The following RARA variants were observed in gnomAD, a reference collection of about 807,000 sequenced individuals.
The protein encoded by RARA is retinoic acid receptor alpha.
A neutral mutation model predicts 42.8 loss-of-function variants in RARA; 5 were observed. The ratio of observed to expected loss-of-function variants is 0.12; its 90% confidence interval spans 0.06 to 0.25. The LOEUF (loss-of-function observed/expected upper bound fraction) is 0.25. RARA is among the 10% of genes least tolerant of loss of function. The pLI is 1.00. For missense variants in RARA, 402 were observed against 628.7 expected (o/e 0.64, Z 3.86); for synonymous variants, 256 against 259.5 (o/e 0.99, Z 0.13).
intron 1 of RARA, among the ~76,000 whole-genome samples, chr17:40,323,873 C>A (rs2033464459): frequency 6.6e-6 from 1 of 151,580 alleles, no homozygotes; most frequent in African/African-American, 2.4e-5. Flanking sequence ...CAGCGTGGGT[C>A]CCCAGGGTGG....
In RARA at chr17:40,355,200, G is replaced by T; in HGVS notation, c.1013-63G>T. 2 of 1,502,464 alleles carry T rather than the reference G, an allele frequency of 1.3e-6. No individual in the cohort carries two copies. The highest frequency in any genetic ancestry group is 1.8e-6 in the Non-Finnish European group (2 of 1,119,398). The allele number at this position is 1,502,464 out of a possible 1,614,324, so 93.1% of individuals were successfully genotyped here. A position where few individuals can be genotyped will look rare whatever the true frequency, so the allele number is the denominator to read the frequency against. ...ATGGCCTGGGCAGGCACGCCCCCCG[G>T]TGGCCGAGGCTGGGGGTGCAGCTGT... On this transcript the variant is annotated intron_variant, in intron 7 of 8. Transcript: ENST00000254066. This position sits in a 1 kb window ranked among gnomAD's most constrained non-coding sequence, Gnocchi z 4.1.
Position 40,351,788 on chromosome 17 carries a change from TGTGCGC to T in RARA, c.470-117_470-112del, listed in dbSNP as rs1408325715. On this transcript the variant is annotated intron_variant, in intron 4 of 8. Coordinates refer to ENST00000254066, the MANE Select transcript of RARA (RefSeq NM_000964.4). This position sits in a 1 kb window ranked among gnomAD's most constrained non-coding sequence, Gnocchi z 4.1. ...CTTGCCTGCCCGTGAACGCGTGCTGTGTGCGCGTGCTTACAAGCCTGGGTGACCTCC... is the reference window on the plus strand; with the variant it reads ...CTTGCCTGCCCGTGAACGCGTGCTGTGTGCTTACAAGCCTGGGTGACCTCC... 3.8e-6 allele frequency: 5 copies of T among 1,306,162 alleles called. No individual in the cohort carries two copies. The highest frequency in any genetic ancestry group is 5.2e-6 in the Non-Finnish European group (5 of 957,098). The allele number at this position is 1,306,162 out of a possible 1,614,324, so 80.9% of individuals were successfully genotyped here. A position where few individuals can be genotyped will look rare whatever the true frequency, so the allele number is the denominator to read the frequency against.
Position 40,352,158 on chromosome 17 carries a change from A to C in RARA, c.630+88A>C. 1 of 1,469,092 alleles carries C rather than the reference A, an allele frequency of 6.8e-7. No individual in the cohort carries two copies. The highest frequency in any genetic ancestry group is 9.0e-7 in the Non-Finnish European group (1 of 1,114,486). The allele number at this position is 1,469,092 out of a possible 1,614,324, so 91.0% of individuals were successfully genotyped here. On this transcript the variant is annotated intron_variant, in intron 5 of 8. Coordinates refer to ENST00000254066, the MANE Select transcript of RARA (RefSeq NM_000964.4). This position sits in a 1 kb window ranked among gnomAD's most constrained non-coding sequence, Gnocchi z 4.9. ...CCTCTCAGGCACCCCTTCTTGTGCC[A>C]GGCAAGATCTCTGCGTCCTTCCCTT...
chr17:40,309,827 G>T (rs531480737), intron 1 of RARA, among the ~76,000 whole-genome samples: 1 of 152,338 alleles, frequency 6.6e-6, no homozygotes, highest in African/African-American at 2.4e-5. Context: ...GAGGGTAGTG[G>T]AGGTTGTGAG....
chr17:40,329,066 G>A (rs552498184), intron 1 of RARA, among the ~76,000 whole-genome samples: 10 of 151,698 alleles, frequency 6.6e-5, no homozygotes, highest in African/African-American at 1.9e-4. Flanking sequence ...CCACATCCTC[G>A]CCAGTACTTG....
intron 2 of RARA, among the ~76,000 whole-genome samples, chr17:40,337,963 T>C (rs1020357838): frequency 6.6e-6 from 1 of 152,250 alleles, no homozygotes; most frequent in Non-Finnish European, 1.5e-5. Context: ...TAGCAATGCC[T>C]TTCTTGGAGT....
rs893168663 is a variant in RARA, at chr17:40,356,881, G to A, written c.*655G>A. On this transcript the variant is annotated 3_prime_UTR_variant, in exon 9 of 9. Coordinates refer to ENST00000254066, the MANE Select transcript of RARA (RefSeq NM_000964.4). ...GTGGGTCCGGGGGAGGGAGTGGCTC[G>A]GAAGGGGCCCCCACTCTCCTTTCAT... is the stretch of plus-strand genomic sequence containing the variant. The A allele has an allele frequency of 1.4e-5, 6 of 422,684 alleles. No homozygotes were observed. Among genetic ancestry groups the A allele is most frequent in the South Asian group, 2.2e-5 (1 of 44,708 alleles). 26.2% of individuals were successfully genotyped at this position (422,684 alleles called of 1,614,324 possible).
chr17:40,341,116 ACCTACC>A (rs2034019258), intron 2 of RARA: 1 of 406,982 alleles, frequency 2.5e-6, no homozygotes, highest in African/African-American at 2.1e-5. Context: ...CTTTCTAGGG[ACCTACC>A]CAAGCTAGGC....
At chr17:40,315,175 C>CAA (rs2033184951) in intron 1 of RARA, among the ~76,000 whole-genome samples, 1 of 126,250 alleles carries the variant, frequency 7.9e-6, no homozygotes, top group East Asian at 2.3e-4. Flanking sequence ...TATATATACA[C>CAA]ACACACACAC....
At chr17:40,347,297 C>T (rs903706369) in intron 2 of RARA, among the ~76,000 whole-genome samples, 2 of 152,152 alleles carry the variant, frequency 1.3e-5, no homozygotes, top group African/African-American at 2.4e-5. Context: ...GGCCTCAGGA[C>T]GATGCTGCGT....
intron 2 of RARA, chr17:40,342,863 C>G: frequency 1.9e-6 from 3 of 1,611,838 alleles, no homozygotes; most frequent in Non-Finnish European, 2.5e-6. Context: ...ATGGCTCAAA[C>G]CACTGTACGT....
rs999854238 is a variant in RARA, at chr17:40,341,063, G to T, written c.179-7253G>T. ...GTACATTTCCATCCTTCCTTTTAGA[G>T]AGTGGGGGTAATAGGATACCCCCTC... is the stretch of plus-strand genomic sequence containing the variant. On this transcript the variant is annotated intron_variant, in intron 2 of 8. Transcript: ENST00000254066. The T allele has an allele frequency of 1.7e-5, 7 of 400,692 alleles. No individual in the cohort carries two copies. The Admixed American group carries it at 2.6e-4, about 15-fold the overall frequency. 24.8% of individuals were successfully genotyped at this position (400,692 alleles called of 1,614,324 possible).
At chr17:40,338,979 C>T (rs1461933974) in intron 2 of RARA, among the ~76,000 whole-genome samples, 1 of 152,180 alleles carries the variant, frequency 6.6e-6, no homozygotes, top group Non-Finnish European at 1.5e-5. Context: ...GATCACACCA[C>T]TGCACTCTAG....
intron 2 of RARA, chr17:40,341,706 T>TG: frequency 7.5e-7 from 1 of 1,327,928 alleles, no homozygotes. Context: ...CCGGCCTGGG[T>TG]GGGGGTGTGT....
Position 40,328,667 on chromosome 17 carries a change from A to G in RARA, c.-362-2190A>G, listed in dbSNP as rs535858170. On this transcript the variant is annotated intron_variant, in intron 1 of 8. Transcript: ENST00000254066. Reference sequence around the variant, plus strand: ...TAAATGTGCCTATCCTGGATATTTCATATAAATGGAATCCTACAATACATG... The same window carrying G: ...TAAATGTGCCTATCCTGGATATTTCGTATAAATGGAATCCTACAATACATG... Among the ~76,000 whole-genome samples the G allele has an allele frequency of 3.3e-5, 5 of 152,356 alleles. No individual in the cohort carries two copies. The South Asian group carries it at 6.2e-4, about 19-fold the overall frequency.
chr17:40,341,580 G>C (rs996345977), intron 2 of RARA: 3 of 1,365,812 alleles, frequency 2.2e-6, no homozygotes. Context: ...CGAGCCCCGC[G>C]GGCGGGCTGG....
Position 40,356,657 on chromosome 17 carries a change from G to A in RARA, c.*431G>A, listed in dbSNP as rs1263756007. 1 of 535,710 alleles carries A rather than the reference G, an allele frequency of 1.9e-6. No homozygotes were observed. The highest frequency in any genetic ancestry group is 1.9e-5 in the African/African-American group (1 of 53,958). 33.2% of individuals were successfully genotyped at this position (535,710 alleles called of 1,614,324 possible). A position where few individuals can be genotyped will look rare whatever the true frequency, so the allele number is the denominator to read the frequency against. ...CTCCCCCCTGCCTCGGTTGGTGACA[G>A]AGGGGGTGGGACAGGGGCGGGGGGT... On this transcript the variant is annotated 3_prime_UTR_variant, in exon 9 of 9. Transcript: ENST00000254066.
At chr17:40,317,878 C>T (rs913480775) in intron 1 of RARA, among the ~76,000 whole-genome samples, 2 of 152,088 alleles carry the variant, frequency 1.3e-5, no homozygotes, top group Admixed American at 6.5e-5. Context: ...ATTACGCCGC[C>T]GCCTCACTTC....
chr17:40,315,100 G>GTATATATATATA (rs10653964), intron 1 of RARA, among the ~76,000 whole-genome samples: 2 of 72,796 alleles, frequency 2.7e-5, no homozygotes, highest in East Asian at 3.8e-4. Flanking sequence ...TGGGTTATAT[G>GTATATATATATA]TATATATATA....
Sources: allele counts gnomAD v4.1 joint callset (sites outside exome capture counted in the v4.1 genomes callset), GRCh38; gene constraint gnomAD v4.1.1; non-coding constraint Gnocchi (gnomAD v3.1); transcripts MANE v1.5; gene names NCBI Gene and HGNC (gene_info 2026-07-23, HGNC 2026-07-21).